The following PDZRN3 variants were observed in gnomAD, a reference collection of about 807,000 sequenced individuals.
PDZRN3 encodes PDZ domain containing ring finger 3, also known as E3 ubiquitin-protein ligase PDZRN3.
In PDZRN3, 38 loss-of-function variants were observed where a neutral mutation model predicts 85.7. That is an observed-to-expected ratio of 0.44 (90% CI 0.34 to 0.58). The LOEUF is 0.58. PDZRN3 is among the 20% of genes least tolerant of loss of function. The pLI is 0.01. For synonymous variants in PDZRN3, 759 were observed against 638.0 expected, an observed-to-expected ratio of 1.19 and a Z score of -2.86; for missense variants, 1,629 against 1,506.4, an observed-to-expected ratio of 1.08 and a Z score of -1.35.
At chr3:73,525,248 C>A (rs1704494667) in intron 3 of PDZRN3, among the ~76,000 whole-genome samples, 1 of 152,026 alleles carries the variant, frequency 6.6e-6, no homozygotes, top group Non-Finnish European at 1.5e-5. Flanking sequence ...TTTTTGAGGG[C>A]TTCCTTGCTC....
intron 3 of PDZRN3, among the ~76,000 whole-genome samples, chr3:73,532,498 G>A (rs562722736): frequency 1.3e-4 from 20 of 152,318 alleles, no homozygotes; most frequent in South Asian, 4.1e-4. Flanking sequence ...TGCTGATGGC[G>A]TTCCTTGAGT....
chr3:73,515,852 C>T (rs151234292), intron 3 of PDZRN3, among the ~76,000 whole-genome samples: 1,589 of 152,228 alleles, frequency 0.01, 26 homozygotes, highest in African/African-American at 0.036. Context: ...TTAAAAAGTA[C>T]AAAATAAAAG....
At chr3:73,494,288 C>A (rs1297116039) in intron 3 of PDZRN3, among the ~76,000 whole-genome samples, 1 of 152,224 alleles carries the variant, frequency 6.6e-6, no homozygotes, top group Non-Finnish European at 1.5e-5. Flanking sequence ...TTTACATTAT[C>A]TCTGTAATAG....
At chr3:73,460,467 CA>C (rs1184357907) in intron 3 of PDZRN3, among the ~76,000 whole-genome samples, 1 of 152,138 alleles carries the variant, frequency 6.6e-6, no homozygotes, top group Non-Finnish European at 1.5e-5. Flanking sequence ...ACACTACCAA[CA>C]ATCTTAAGCC....
chr3:73,529,627 A>G (rs11128344), intron 3 of PDZRN3, among the ~76,000 whole-genome samples: 89,769 of 152,092 alleles, frequency 0.59, 26,766 homozygotes, highest in Middle Eastern at 0.69. Flanking sequence ...GGAGGGTGGG[A>G]CAAAGAAATC....
intron 3 of PDZRN3, among the ~76,000 whole-genome samples, chr3:73,405,579 C>A (rs905369393): frequency 1.3e-5 from 2 of 152,168 alleles, no homozygotes; most frequent in African/African-American, 4.8e-5. Flanking sequence ...CACATGGCTG[C>A]AGAAGTTGCT....
At chr3:73,483,651 C>G (rs959718230) in intron 3 of PDZRN3, among the ~76,000 whole-genome samples, 1 of 152,184 alleles carries the variant, frequency 6.6e-6, no homozygotes, top group Non-Finnish European at 1.5e-5. Context: ...AATATGAAAT[C>G]TAGAAATGAC....
At chr3:73,395,958 C>T (rs1701626610) in intron 5 of PDZRN3, among the ~76,000 whole-genome samples, 1 of 152,184 alleles carries the variant, frequency 6.6e-6, no homozygotes, top group Non-Finnish European at 1.5e-5. Flanking sequence ...TGCAGTGGCT[C>T]ATACCTGTAA....
At chr3:73,546,687 T>A (rs1413385811) in intron 3 of PDZRN3, among the ~76,000 whole-genome samples, 1 of 152,248 alleles carries the variant, frequency 6.6e-6, no homozygotes, top group East Asian at 1.9e-4. Flanking sequence ...AAAATTCTGC[T>A]GAGAATGATT....
At chr3:73,518,858 C>T (rs1704300258) in intron 3 of PDZRN3, among the ~76,000 whole-genome samples, 1 of 152,214 alleles carries the variant, frequency 6.6e-6, no homozygotes, top group East Asian at 1.9e-4. Flanking sequence ...CACGTCCTAA[C>T]ACCATCACCG....
chr3:73,585,861 C>T (rs578012950), intron 3 of PDZRN3, among the ~76,000 whole-genome samples: 25 of 152,236 alleles, frequency 1.6e-4, no homozygotes, highest in African/African-American at 6.0e-4. Flanking sequence ...TAAATATTTT[C>T]CAAAAATGGT....
At chr3:73,509,332 G>A (rs149626828) in intron 3 of PDZRN3, among the ~76,000 whole-genome samples, 2 of 152,330 alleles carry the variant, frequency 1.3e-5, no homozygotes, top group Non-Finnish European at 2.9e-5. Context: ...AGGAAAGGGC[G>A]GACCCAGGAG....
At chr3:73,595,561 A>G (rs1702419494) in intron 3 of PDZRN3, among the ~76,000 whole-genome samples, 2 of 152,224 alleles carry the variant, frequency 1.3e-5, no homozygotes, top group African/African-American at 4.8e-5. Flanking sequence ...AAAATATATA[A>G]TTACAAAATC....
At chr3:73,419,684 G>A (rs1452092873) in intron 3 of PDZRN3, among the ~76,000 whole-genome samples, 1 of 152,152 alleles carries the variant, frequency 6.6e-6, no homozygotes, top group Non-Finnish European at 1.5e-5. Flanking sequence ...GTGCCTTACA[G>A]ATGAGCTCAT....
At chr3:73,431,952 C>T (rs1449074458) in intron 3 of PDZRN3, among the ~76,000 whole-genome samples, 1 of 152,174 alleles carries the variant, frequency 6.6e-6, no homozygotes, top group Non-Finnish European at 1.5e-5. Context: ...AGTAGAGTTA[C>T]TTTTTGGAGG....
At chr3:73,535,094 G>A (rs1283189459) in intron 3 of PDZRN3, among the ~76,000 whole-genome samples, 3 of 152,086 alleles carry the variant, frequency 2.0e-5, no homozygotes, top group African/African-American at 7.2e-5. Flanking sequence ...CTGCCGTGTT[G>A]TCTTTTCCTT....
Position 73,384,384 on chromosome 3 carries a change from T to G in PDZRN3, c.2182A>C (p.Asn728His). 2.5e-6 allele frequency: 4 copies of G among 1,609,340 alleles called. No individual in the cohort carries two copies. The highest frequency in any genetic ancestry group is 3.4e-6 in the Non-Finnish European group (4 of 1,179,964). The change falls in exon 10 of 10, where the codon AAC becomes CAC. Residue 728 changes from asparagine to histidine, a missense_variant. By Grantham distance (68) the Asn-to-His change is moderately conservative. Coordinates refer to ENST00000263666, the MANE Select transcript of PDZRN3 (RefSeq NM_015009.3). ...CGCACGTCGATGCTGGTGTTGTAGT[T>G]GCGGAAGCCGCTGTTGTGCAGCATC... The part of the protein sequence containing the change: ...SWMLHNSGFR[N>H]YNTSIDVRRH...
chr3:73,506,888 C>A (rs2106697798), intron 3 of PDZRN3, among the ~76,000 whole-genome samples: 3 of 121,698 alleles, frequency 2.5e-5, no homozygotes, highest in South Asian at 3.4e-4. Context: ...CCCAGGTGAC[C>A]ATGTCTCAAA....
At chr3:73,462,328 G>A (rs1405998175) in intron 3 of PDZRN3, among the ~76,000 whole-genome samples, 1 of 152,038 alleles carries the variant, frequency 6.6e-6, no homozygotes, top group Non-Finnish European at 1.5e-5. Flanking sequence ...CAGATCACGA[G>A]GTCAGGAGAT....
Sources: gnomAD v4.1 joint callset for allele counts (sites outside exome capture counted in the v4.1 genomes callset) on GRCh38, gnomAD v4.1.1 for gene constraint, MANE v1.5 for transcripts, NCBI Gene and HGNC (gene_info 2026-07-23, HGNC 2026-07-21) for gene names.